The following PPIP5K2 variants were observed in gnomAD, a reference collection of about 807,000 sequenced individuals.
The protein encoded by PPIP5K2 is diphosphoinositol pentakisphosphate kinase 2, also known as inositol hexakisphosphate and diphosphoinositol-pentakisphosphate kinase 2.
Under a neutral mutation model 154.6 loss-of-function variants are expected in PPIP5K2, and 105 were observed. The ratio of observed to expected loss-of-function variants is 0.68; its 90% CI spans 0.58 to 0.80. The LOEUF (loss-of-function observed/expected upper bound fraction) is 0.80. PPIP5K2 is among the 30% of genes least tolerant of loss of function. The pLI, the probability that PPIP5K2 is intolerant of heterozygous loss-of-function variation, is 0.00. For missense variants in PPIP5K2, 992 were observed against 1,504.6 expected, an observed-to-expected ratio of 0.66 and a Z score of 5.64; for synonymous variants, 480 against 490.3, an observed-to-expected ratio of 0.98 and a Z score of 0.28.
chr5:103,182,696 C>T (rs1031758011), intron 24 of PPIP5K2, among the ~76,000 whole-genome samples: 1 of 152,082 alleles, frequency 6.6e-6, no homozygotes, highest in East Asian at 1.9e-4. Flanking sequence ...CAATTTGAGT[C>T]CATCTTATGA....
At position 103,177,917 on chromosome 5, in the gene PPIP5K2, C is replaced by T; in HGVS notation, c.2691C>T (p.Ala897=). The T allele has an allele frequency of 6.2e-7, 1 of 1,613,176 alleles. No homozygotes were observed. Among genetic ancestry groups the T allele is most frequent in the South Asian group, 1.1e-5 (1 of 91,044 alleles). ...TTGAATTACACTTTAGTCCGGGAGC[C>T]AAAGGTTGTGAAGAAGACAAAAATT... is the stretch of plus-strand genomic sequence containing the variant. ...FHVELHFSPG[A]KGCEEDKNLP... is the part of the protein sequence containing the mutation. The change falls in exon 23 of 31, where the codon GCC becomes GCT. Residue 897 remains alanine, a synonymous_variant. Transcript: ENST00000358359.
chr5:103,154,954 T>G lies in PPIP5K2; in HGVS notation c.1403+11T>G. On this transcript the variant is annotated intron_variant, in intron 13 of 30. Transcript: ENST00000358359. ...GACTGTATTAGAGATGTGAGTATCT[T>G]TTTGAAACGCTTAATTGTGGTACTA... 1 of 1,502,566 alleles carries G rather than the reference T, an allele frequency of 6.7e-7. No homozygotes were observed. Among genetic ancestry groups the G allele is most frequent in the Non-Finnish European group, 9.0e-7 (1 of 1,109,622 alleles). The allele number at this position is 1,502,566 out of a possible 1,614,324, so 93.1% of individuals were successfully genotyped here. A position where few individuals can be genotyped will look rare whatever the true frequency, so the allele number is the denominator to read the frequency against.
chr5:103,156,036 T>C, intron 14 of PPIP5K2, 42 bp downstream of exon 14: 1 of 1,298,888 alleles, frequency 7.7e-7, no homozygotes, highest in Non-Finnish European at 1.1e-6. Flanking sequence ...TTATATGTAG[T>C]AACTTGTTAT....
intron 24 of PPIP5K2, 101 bp from the exon 25 acceptor site, chr5:103,183,133 T>G: frequency 9.6e-7 from 1 of 1,043,304 alleles, no homozygotes; most frequent in Middle Eastern, 3.5e-4. Context: ...TTTTTTTTCT[T>G]TCTGATCATT....
At chr5:103,151,418 A>T (rs782501017) in intron 9 of PPIP5K2, 44 bp downstream of exon 9, 1 of 1,442,198 alleles carries the variant, frequency 6.9e-7, no homozygotes, top group Non-Finnish European at 9.6e-7. Flanking sequence ...TATACTAGTT[A>T]TTCAGAAACC....
intron 5 of PPIP5K2, among the ~76,000 whole-genome samples, chr5:103,139,340 A>G (rs1583242509): frequency 6.6e-6 from 1 of 152,296 alleles, no homozygotes; most frequent in Non-Finnish European, 1.5e-5. Context: ...CCCACTCCCC[A>G]CAGGAACACC....
At chr5:103,148,168 G>A (rs1794039107) in intron 7 of PPIP5K2, 136 bp downstream of exon 7, 1 of 719,844 alleles carries the variant, frequency 1.4e-6, no homozygotes, top group African/African-American at 1.8e-5. Context: ...CTCATGTTTT[G>A]TAACAACAAC....
chr5:103,173,042 TC>T, intron 19 of PPIP5K2, 112 bp from the exon 20 acceptor site: 1 of 827,088 alleles, frequency 1.2e-6, no homozygotes, highest in Non-Finnish European at 1.8e-6. Context: ...TATCCAACGT[TC>T]AAAAAAGGCT....
chr5:103,146,756 T>A, intron 6 of PPIP5K2, 75 bp downstream of exon 6: 1 of 1,243,608 alleles, frequency 8.0e-7, no homozygotes, highest in Non-Finnish European at 1.1e-6. Context: ...AATCAAGCAT[T>A]TAATTACCGT....
intron 24 of PPIP5K2, among the ~76,000 whole-genome samples, chr5:103,181,354 G>A (rs909964421): frequency 2.0e-5 from 3 of 151,850 alleles, no homozygotes; most frequent in Non-Finnish European, 4.4e-5. Context: ...GATCACCTGA[G>A]GTCAGGAGTT....
intron 28 of PPIP5K2, among the ~76,000 whole-genome samples, chr5:103,190,308 A>C (rs1554226472): frequency 1.3e-5 from 2 of 151,966 alleles, no homozygotes; most frequent in Non-Finnish European, 2.9e-5. Context: ...TACGTTTTGG[A>C]ATTTTTATTC....
Position 103,149,303 on chromosome 5 carries a change from T to C in PPIP5K2, c.896T>C (p.Leu299Pro), listed in dbSNP as rs782632794. The change falls in exon 8 of 31, where the codon CTT becomes CCT. Residue 299 changes from leucine to proline, a missense_variant. By Grantham distance (98) the Leu-to-Pro change is moderately conservative. Transcript: ENST00000358359. ...AAATTAATTGCTTGGAAAGTCTGCC[T>C]TGCTTTTAAGGTAAGATGTTATACA... ...REKLIAWKVC[L>P]AFKQTVCGFD... The C allele has an allele frequency of 6.2e-7, 1 of 1,613,322 alleles. No individual in the cohort carries two copies. Among genetic ancestry groups the C allele is most frequent in the East Asian group, 2.2e-5 (1 of 44,842 alleles).
intron 30 of PPIP5K2, among the ~76,000 whole-genome samples, chr5:103,198,409 A>G (rs1802457028): frequency 6.6e-6 from 1 of 152,048 alleles, no homozygotes; most frequent in African/African-American, 2.4e-5. Context: ...GGTTGTTGAT[A>G]ATGTTCAGAT....
chr5:103,167,982 C>A, intron 18 of PPIP5K2, 90 bp from the exon 19 acceptor site: 1 of 815,554 alleles, frequency 1.2e-6, no homozygotes, highest in Non-Finnish European at 1.9e-6. Flanking sequence ...ATTTTTGACA[C>A]TTTAAAAAGT....
chr5:103,136,318 T>C (rs1791491888), intron 3 of PPIP5K2, among the ~76,000 whole-genome samples: 1 of 152,210 alleles, frequency 6.6e-6, no homozygotes, highest in Non-Finnish European at 1.5e-5. Context: ...AGCTAATTTA[T>C]GTGTGTAGGC....
Position 103,174,198 on chromosome 5 carries a change from A to G in PPIP5K2, c.2529+226A>G. On this transcript the variant is annotated intron_variant, in intron 21 of 30. Transcript: ENST00000358359. ...AGCAAACAATAATATAAAGTATTTTAGGTGATTTTATAGACTGGTGGCAGT... is the reference window on the plus strand; with the variant it reads ...AGCAAACAATAATATAAAGTATTTTGGGTGATTTTATAGACTGGTGGCAGT... The G allele has an allele frequency of 1.6e-5, 6 of 370,378 alleles. No individual in the cohort carries two copies. In the South Asian group the frequency reaches 2.5e-4, roughly 16 times the overall value. The allele number at this position is 370,378 out of a possible 1,614,324, so 22.9% of individuals were successfully genotyped here.
In PPIP5K2 at chr5:103,177,882, C is replaced by T. The variant is rs1206640336; in HGVS notation, c.2656C>T (p.Arg886Cys). The T allele has an allele frequency of 4.3e-6, 7 of 1,612,576 alleles. No homozygotes were observed. Among genetic ancestry groups the T allele is most frequent in the African/African-American group, 1.3e-5 (1 of 74,846 alleles). The change falls in exon 23 of 31, where the codon CGC becomes TGC. Residue 886 changes from arginine to cysteine, a missense_variant. Physicochemically the swap from Arg to Cys is radical, Grantham distance 180. This residue lies in a region of PPIP5K2 where 157 missense variants were observed against 281.2 expected (regional missense o/e 0.56). Transcript: ENST00000358359. ...DPNKDLSSEE[R>C]FHVELHFSPG... ...TTCTTAGGATCTTTCCTCAGAAGAA[C>T]GCTTTCATGTTGAATTACACTTTAG...
intron 30 of PPIP5K2, among the ~76,000 whole-genome samples, 186 bp downstream of exon 30, chr5:103,195,211 C>T (rs1202887622): frequency 6.6e-6 from 1 of 152,152 alleles, no homozygotes; most frequent in Non-Finnish European, 1.5e-5. Flanking sequence ...CTGTTGTCTT[C>T]CCCTCTCCCC....
At position 103,207,309 on chromosome 5, in the gene PPIP5K2, C is replaced by T. The variant is rs927741619; in HGVS notation, c.*5675C>T. 4.6e-5 allele frequency: 7 copies of T among 152,178 alleles called. No homozygotes were observed. The highest frequency in any genetic ancestry group is 8.8e-5 in the Non-Finnish European group (6 of 68,044). The allele number at this position is 152,178 out of a possible 1,614,324, so 9.4% of individuals were successfully genotyped here. A position where few individuals can be genotyped will look rare whatever the true frequency, so the allele number is the denominator to read the frequency against. On this transcript the variant is annotated 3_prime_UTR_variant, in exon 31 of 31. Coordinates refer to ENST00000358359, the MANE Select transcript of PPIP5K2 (RefSeq NM_001276277.3). ...TCCAAACTGTGGCAGTCAAAAATGTCTCCAGACATTAGTAAATGTCTTTTG... is the reference window on the plus strand; with the variant it reads ...TCCAAACTGTGGCAGTCAAAAATGTTTCCAGACATTAGTAAATGTCTTTTG...
Sources: allele counts gnomAD v4.1 joint callset (sites outside exome capture counted in the v4.1 genomes callset), GRCh38; gene constraint gnomAD v4.1.1; regional missense constraint gnomAD v4.1.1; transcripts MANE v1.5; gene names NCBI Gene and HGNC (gene_info 2026-07-23, HGNC 2026-07-21).